The following ROS1 variants were observed in gnomAD, a reference collection of about 807,000 sequenced individuals.
ROS1 encodes the protein ROS proto-oncogene 1, receptor tyrosine kinase.
ROS1 carries 263 observed loss-of-function variants against 273.5 expected under a neutral mutation model. The ratio of observed to expected loss-of-function variants is 0.96; its 90% CI spans 0.87 to 1.06. ROS1 has a LOEUF of 1.06. Ranked by LOEUF, ROS1 falls within the 50% of genes least tolerant of loss-of-function variation. The pLI, the probability that ROS1 is intolerant of heterozygous loss-of-function variation, is 0.00. For missense variants in ROS1, 2,833 were observed against 2,751.1 expected (o/e 1.03, Z -0.67); for synonymous variants, 1,008 against 954.1 (o/e 1.06, Z -1.04).
At chr6:117,363,425 C>T (rs1403931942) in intron 21 of ROS1, among the ~76,000 whole-genome samples, 3 of 152,124 alleles carry the variant, frequency 2.0e-5, no homozygotes, top group African/African-American at 7.2e-5. Flanking sequence ...AGAGCCAAAC[C>T]AAGCAATTCA....
intron 20 of ROS1, 114 bp from the exon 21 acceptor site, chr6:117,365,318 T>A: frequency 8.6e-7 from 1 of 1,163,902 alleles, no homozygotes; most frequent in Non-Finnish European, 1.2e-6. Flanking sequence ...AAATTTGCAA[T>A]TTTGGAAGTG....
chr6:117,297,060 A>G (rs1774301237), intron 43 of ROS1, among the ~76,000 whole-genome samples: 1 of 152,228 alleles, frequency 6.6e-6, no homozygotes, highest in African/African-American at 2.4e-5. Context: ...ATCCAGAAAT[A>G]AAGCCACATA....
At chr6:117,343,150 A>C (rs557834591) in intron 28 of ROS1, among the ~76,000 whole-genome samples, 1 of 152,014 alleles carries the variant, frequency 6.6e-6, no homozygotes, top group African/African-American at 2.4e-5. Context: ...GACCACTGTT[A>C]ATCAATGAGA....
intron 42 of ROS1, among the ~76,000 whole-genome samples, chr6:117,307,263 T>C (rs1237202624): frequency 6.6e-6 from 1 of 152,078 alleles, no homozygotes; most frequent in African/African-American, 2.4e-5. Flanking sequence ...AGTGATCAAT[T>C]TCAAAGCTGC....
At chr6:117,300,068 G>A (rs1195564373) in intron 43 of ROS1, among the ~76,000 whole-genome samples, 4 of 123,848 alleles carry the variant, frequency 3.2e-5, no homozygotes, top group South Asian at 5.5e-4. Context: ...AACTACAGGC[G>A]CCCGCCACCA....
At chr6:117,407,751 T>C (rs989473068) in intron 5 of ROS1, among the ~76,000 whole-genome samples, 4 of 152,162 alleles carry the variant, frequency 2.6e-5, no homozygotes, top group Non-Finnish European at 5.9e-5. Context: ...ATGCCCACAT[T>C]GCCAAGTCAA....
At position 117,385,813 on chromosome 6, in the gene ROS1, TC is replaced by T. The variant is rs866855717; in HGVS notation, c.2158del (p.Asp720ThrfsTer7). 1 of 1,614,070 alleles carries T rather than the reference TC, an allele frequency of 6.2e-7. No homozygotes were observed. Among genetic ancestry groups the T allele is most frequent in the African/African-American group, 1.3e-5 (1 of 74,938 alleles). On this transcript the variant is annotated frameshift_variant, in exon 16 of 44. Transcript: ENST00000368507. LOFTEE classifies it high-confidence loss of function. ...CCCATTCAGCAGCCACACAAAAACG[TC>T]GCCTTTCGTGTCACTGTAGTAGAGG... Reference protein sequence around the residue: ...NSLYYSDTKGDVFVWLLNGTD... With the variant: ...NSLYYSDTKGXVFVWLLNGTD...
At chr6:117,343,978 G>A in intron 28 of ROS1, 82 bp downstream of exon 28, 2 of 1,188,022 alleles carry the variant, frequency 1.7e-6, no homozygotes, top group Admixed American at 1.9e-5. Context: ...GAACATATAG[G>A]AAATACTTTA....
In ROS1 at chr6:117,387,808, C is replaced by T. The variant is rs9489143; in HGVS notation, c.1971G>A (p.Glu657=). 0.07 allele frequency: 113,355 copies of T among 1,613,952 alleles called. 4,503 individuals carry two copies. Among genetic ancestry groups the T allele is most frequent in the Middle Eastern group, 0.22 (1,314 of 6,056 alleles). The change falls in exon 14 of 44, where the codon GAG becomes GAA. Residue 657 remains glutamate, a synonymous_variant. Coordinates refer to ENST00000368507, the MANE Select transcript of ROS1 (RefSeq NM_001378902.1). Reference sequence around the variant, plus strand: ...GCACCAGGGTAGTACCCACTGAGGGCTCTGACCAGGGGCCTGGCCTCTTTG... The same window carrying T: ...GCACCAGGGTAGTACCCACTGAGGGTTCTGACCAGGGGCCTGGCCTCTTTG... The part of the protein sequence containing the change: ...SSPKRPGPWS[E]PSVGTTLVPA...
chr6:117,315,378 A>C (rs1204080991), intron 39 of ROS1, among the ~76,000 whole-genome samples: 1 of 152,140 alleles, frequency 6.6e-6, no homozygotes, highest in Non-Finnish European at 1.5e-5. Context: ...CTGGAACTGA[A>C]GGGAATGATT....
rs562770914 is a variant in ROS1 at position 117,366,429 on chromosome 6, G to A, written c.2583-139C>T. 5.6e-5 allele frequency: 35 copies of A among 626,650 alleles called. 2 individuals carry two copies. The highest frequency in any genetic ancestry group is 4.4e-4 in the Admixed American group (15 of 34,108). 38.8% of individuals were successfully genotyped at this position (626,650 alleles called of 1,614,324 possible). A position where few individuals can be genotyped will look rare whatever the true frequency, so the allele number is the denominator to read the frequency against. On this transcript the variant is annotated intron_variant, in intron 18 of 43. Coordinates refer to ENST00000368507, the MANE Select transcript of ROS1 (RefSeq NM_001378902.1). The stretch of plus-strand genomic sequence containing the variant: ...TAAAATAAAGAAAATACTTTCTAAC[G>A]ATTATTGTCTTTTTTTGTTTCATAT...
At chr6:117,367,590 T>C (rs1211903582) in intron 18 of ROS1, among the ~76,000 whole-genome samples, 1 of 152,220 alleles carries the variant, frequency 6.6e-6, no homozygotes, top group Non-Finnish European at 1.5e-5. Flanking sequence ...TTCTCATTTC[T>C]GAATGAGACT....
Position 117,354,978 on chromosome 6 carries a change from T to C in ROS1, c.4126+1651A>G, listed in dbSNP as rs181619925. ...TAGAGCAATCCTTATTAAATTAGCC[T>C]AATGGGATTCTTGCTAAAGGCAGGC... On this transcript the variant is annotated intron_variant, in intron 26 of 43. Coordinates refer to ENST00000368507, the MANE Select transcript of ROS1 (RefSeq NM_001378902.1). 3.1e-3 allele frequency among the ~76,000 whole-genome samples: 472 copies of C among 152,302 alleles called. 4 individuals are homozygous for C. Among genetic ancestry groups the C allele is most frequent in the African/African-American group, 0.011 (458 of 41,568 alleles).
At chr6:117,413,259 A>G (rs1307862987) in intron 4 of ROS1, among the ~76,000 whole-genome samples, 3 of 152,190 alleles carry the variant, frequency 2.0e-5, no homozygotes, top group African/African-American at 7.2e-5. Flanking sequence ...AATACAACAT[A>G]GGTTTTAAAG....
chr6:117,396,830 A>T, intron 8 of ROS1, 85 bp downstream of exon 8: 1 of 988,174 alleles, frequency 1.0e-6, no homozygotes, highest in South Asian at 1.5e-5. Flanking sequence ...GCACATTTAA[A>T]CTATTTGATA....
chr6:117,419,462 C>A (rs528637767), intron 1 of ROS1, among the ~76,000 whole-genome samples: 1 of 152,188 alleles, frequency 6.6e-6, no homozygotes, highest in South Asian at 2.1e-4. Context: ...CCTTTAAACT[C>A]CGTTCCCTAA....
intron 12 of ROS1, 116 bp downstream of exon 12, chr6:117,393,108 A>G: frequency 1.4e-6 from 1 of 721,972 alleles, no homozygotes; most frequent in Non-Finnish European, 2.4e-6. Context: ...ATTCACCTAA[A>G]GTAAGATGCA....
intron 32 of ROS1, among the ~76,000 whole-genome samples, chr6:117,331,572 C>T (rs938889246): frequency 1.3e-5 from 2 of 152,028 alleles, no homozygotes; most frequent in African/African-American, 2.4e-5. Flanking sequence ...CAAGTAAAAA[C>T]TGTTAAGGGC....
intron 27 of ROS1, among the ~76,000 whole-genome samples, chr6:117,348,230 G>A (rs1237368555): frequency 6.6e-6 from 1 of 151,896 alleles, no homozygotes; most frequent in Admixed American, 6.6e-5. Flanking sequence ...TTCTATTTCA[G>A]AAGGCTATTA....
Sources: gnomAD v4.1 joint callset for allele counts (sites outside exome capture counted in the v4.1 genomes callset) on GRCh38, gnomAD v4.1.1 for gene constraint, MANE v1.5 for transcripts, NCBI Gene and HGNC (gene_info 2026-07-23, HGNC 2026-07-21) for gene names.